LPAR4: variants seen among roughly 807,000 people sequenced by gnomAD.
The protein encoded by LPAR4 is lysophosphatidic acid receptor 4, also known as G-protein coupled receptor 23.
A neutral mutation model predicts 9.2 loss-of-function variants in LPAR4; 14 were observed. The observed-to-expected ratio is 1.51, with a 90% CI of 1.00 to 2.37. The LOEUF (loss-of-function observed/expected upper bound fraction) is 2.37, where lower values mean the gene tolerates loss of function less well. Among genes scored for constraint, LPAR4 ranks in the 30% most tolerant of loss-of-function variants. The pLI is 0.00. For synonymous variants in LPAR4, 131 were observed against 97.9 expected, an observed-to-expected ratio of 1.34 and a Z score of -1.99; for missense variants, 251 against 272.1, an observed-to-expected ratio of 0.92 and a Z score of 0.55.
chrX:78,749,346 A>T (rs944136720), intron 1 of LPAR4: 1 of 111,827 alleles, frequency 8.9e-6, no homozygotes, highest in African/African-American at 3.2e-5. Flanking sequence ...GTGTTTGCGA[A>T]TATTAGTACT....
In LPAR4 at chrX:78,755,303, G is replaced by C; in HGVS notation, c.434G>C (p.Arg145Pro). The C allele has an allele frequency of 3.3e-6, 4 of 1,208,698 alleles. No homozygotes were observed. The highest frequency in any genetic ancestry group is 4.5e-6 in the Non-Finnish European group (4 of 893,747). The change falls in exon 5 of 5, where the codon CGA becomes CCA. Residue 145 changes from arginine (R) to proline (P), a missense_variant. Physicochemically the swap from Arg to Pro is moderately radical, Grantham distance 103 (BLOSUM62 -2). Coordinates refer to ENST00000614823, the MANE Select transcript of LPAR4 (RefSeq NM_001278000.3). ...DRFLAIVYPF[R>P]SRTIRTRRNS... ...TTCCTGGCCATTGTCTATCCTTTTCGATCTCGTACTATTAGGACTAGGAGG... is the reference window on the plus strand; with the variant it reads ...TTCCTGGCCATTGTCTATCCTTTTCCATCTCGTACTATTAGGACTAGGAGG...
chrX:78,753,713 G>A (rs1925169307), intron 4 of LPAR4, among the ~76,000 whole-genome samples: 1 of 112,339 alleles, frequency 8.9e-6, no homozygotes, highest in Non-Finnish European at 1.9e-5. Context: ...AGCTTTAGCT[G>A]TGAGGCTTAG....
chrX:78,752,595 A>G (rs1436629335), intron 4 of LPAR4, among the ~76,000 whole-genome samples: 1 of 112,008 alleles, frequency 8.9e-6, no homozygotes, highest in African/African-American at 3.2e-5. Context: ...TAGAACAAGG[A>G]AATGCTCTGG....
rs1002168263 is a variant in LPAR4, at chrX:78,756,554, A to T, written c.*572A>T. 8.1e-6 allele frequency: 1 copy of T among 122,958 alleles called. No homozygotes were observed. The highest frequency in any genetic ancestry group is 1.9e-5 in the Non-Finnish European group (1 of 53,181). The allele number at this position is 122,958 out of a possible 1,213,427, so 10.1% of individuals were successfully genotyped here. On this transcript the variant is annotated 3_prime_UTR_variant, in exon 5 of 5. Transcript: ENST00000614823. ...CGTTGGCATGTACGTGGGTGGGAAG[A>T]AAAAGAAAATTAACAGGATTTACAC...
In LPAR4 at chrX:78,758,475, G is replaced by A. The variant is rs1303899598; in HGVS notation, c.*2493G>A. 1.8e-5 allele frequency among the ~76,000 whole-genome samples: 2 copies of A among 111,087 alleles called. No homozygotes were observed. The highest frequency in any genetic ancestry group is 6.5e-5 in the African/African-American group (2 of 30,705). On this transcript the variant is annotated 3_prime_UTR_variant, in exon 5 of 5. Coordinates refer to ENST00000614823, the MANE Select transcript of LPAR4 (RefSeq NM_001278000.3). ...TAAAATATATTATTAAATGTTTCTT[G>A]TGTAATTTCCATGTTTAGTTTTAAT...
rs1925286598 is a variant in LPAR4 at position 78,756,233 on chromosome X, A to C, written c.*251A>C. The C allele has an allele frequency of 3.0e-6, 1 of 329,640 alleles. No individual in the cohort carries two copies. Among genetic ancestry groups the C allele is most frequent in the African/African-American group, 2.6e-5 (1 of 37,834 alleles). The allele number at this position is 329,640 out of a possible 1,213,427, so 27.2% of individuals were successfully genotyped here. A position where few individuals can be genotyped will look rare whatever the true frequency, so the allele number is the denominator to read the frequency against. ...GGAATTTCATTGTATCGCATTATCC[A>C]GGTGGCTAGTGGCATTTGATAATAT... is the stretch of plus-strand genomic sequence containing the variant. On this transcript the variant is annotated 3_prime_UTR_variant, in exon 5 of 5. Coordinates refer to ENST00000614823, the MANE Select transcript of LPAR4 (RefSeq NM_001278000.3).
rs1462070547 is a variant in LPAR4, at chrX:78,756,361, A to C, written c.*379A>C. ...GAACAAATTCAGGGATTTTTAAAAA[A>C]TTGTGTTACTACTGATATATGCTAG... is the stretch of plus-strand genomic sequence containing the variant. On this transcript the variant is annotated 3_prime_UTR_variant, in exon 5 of 5. Coordinates refer to ENST00000614823, the MANE Select transcript of LPAR4 (RefSeq NM_001278000.3). 7.2e-6 allele frequency: 1 copy of C among 139,610 alleles called. No individual in the cohort carries two copies. The highest frequency in any genetic ancestry group is 1.6e-5 in the Non-Finnish European group (1 of 64,478). 11.5% of individuals were successfully genotyped at this position (139,610 alleles called of 1,213,427 possible). A position where few individuals can be genotyped will look rare whatever the true frequency, so the allele number is the denominator to read the frequency against.
chrX:78,751,857 A>T (rs191518104), intron 4 of LPAR4, among the ~76,000 whole-genome samples: 66 of 111,171 alleles, frequency 5.9e-4, no homozygotes, highest in Non-Finnish European at 1.2e-3. Context: ...CTCTGTAACT[A>T]AGTACTAGGG....
rs35187385 is a variant in LPAR4, at chrX:78,758,076, C to T, written c.*2094C>T. Reference sequence around the variant, plus strand: ...GTAAAATCTGTGTCTGGGTTAGGAACAAAGTGAAAAAATGCTAAAACAATA... The same window carrying T: ...GTAAAATCTGTGTCTGGGTTAGGAATAAAGTGAAAAAATGCTAAAACAATA... On this transcript the variant is annotated 3_prime_UTR_variant, in exon 5 of 5. Coordinates refer to ENST00000614823, the MANE Select transcript of LPAR4 (RefSeq NM_001278000.3). 0.18 allele frequency among the ~76,000 whole-genome samples: 19,646 copies of T among 110,769 alleles called. 1,458 individuals carry two copies. The highest frequency in any genetic ancestry group is 0.31 in the Middle Eastern group (64 of 208).
At chrX:78,750,429 T>G (rs1372026011) in intron 2 of LPAR4, among the ~76,000 whole-genome samples, 1 of 111,877 alleles carries the variant, frequency 8.9e-6, no homozygotes, top group Non-Finnish European at 1.9e-5. Context: ...AGCACTGTAA[T>G]GGGTAAATTC....
intron 4 of LPAR4, among the ~76,000 whole-genome samples, chrX:78,753,555 C>A (rs1925161538): frequency 9.0e-6 from 1 of 111,716 alleles, no homozygotes; most frequent in South Asian, 3.7e-4. Context: ...ATGTGAACTT[C>A]AGTATACCAA....
At chrX:78,751,938 C>A (rs1305175135) in intron 4 of LPAR4, among the ~76,000 whole-genome samples, 1 of 110,650 alleles carries the variant, frequency 9.0e-6, no homozygotes, top group Non-Finnish European at 1.9e-5. Flanking sequence ...ACATTATTTC[C>A]CAAAGATTGG....
chrX:78,750,016 ACTT>A (rs1460819833), intron 1 of LPAR4, among the ~76,000 whole-genome samples, 155 bp from the exon 2 acceptor site: 5 of 111,663 alleles, frequency 4.5e-5, no homozygotes, highest in Non-Finnish European at 1.9e-5. Context: ...AGTTATAAAA[ACTT>A]CTGGGTATTT....
rs191042414 is a variant in LPAR4 at position 78,758,348 on chromosome X, T to C, written c.*2366T>C. Among the ~76,000 whole-genome samples the C allele has an allele frequency of 1.7e-3, 187 of 111,922 alleles. 2 individuals carry two copies. In the South Asian group the frequency reaches 0.032, roughly 19 times the overall value. ...ATGTTTTTCCATTTCTTGTTAAGTA[T>C]AAAATATATGTGAACATTTGTTTGT... On this transcript the variant is annotated 3_prime_UTR_variant, in exon 5 of 5. Transcript: ENST00000614823.
At chrX:78,748,463 C>T (rs1321960261) in intron 1 of LPAR4, among the ~76,000 whole-genome samples, 2 of 111,799 alleles carry the variant, frequency 1.8e-5, no homozygotes, top group Admixed American at 9.5e-5. Context: ...GAGAATGTGA[C>T]ATTTGCTATA....
chrX:78,755,314 A>G lies in LPAR4; in HGVS notation c.445A>G (p.Ile149Val), dbSNP rs767232879. The G allele has an allele frequency of 2.8e-5, 34 of 1,207,647 alleles. No homozygotes were observed. The East Asian group carries it at 7.7e-4, about 27-fold the overall frequency. ...AIVYPFRSRTIRTRRNSAIVC... is the reference protein window; with the variant it reads ...AIVYPFRSRTVRTRRNSAIVC... Reference sequence around the variant, plus strand: ...TGTCTATCCTTTTCGATCTCGTACTATTAGGACTAGGAGGAATTCTGCCAT... The same window carrying G: ...TGTCTATCCTTTTCGATCTCGTACTGTTAGGACTAGGAGGAATTCTGCCAT... The change falls in exon 5 of 5, where the codon ATT becomes GTT. Residue 149 changes from isoleucine to valine, a missense_variant. Ile to Val is a conservative substitution (Grantham distance 29). Coordinates refer to ENST00000614823, the MANE Select transcript of LPAR4 (RefSeq NM_001278000.3).
chrX:78,753,290 T>A (rs1445952452), intron 4 of LPAR4, among the ~76,000 whole-genome samples: 1 of 112,311 alleles, frequency 8.9e-6, no homozygotes, highest in Non-Finnish European at 1.9e-5. Flanking sequence ...GAAGATCTAA[T>A]AGTTAGAAAT....
chrX:78,748,799 A>T (rs1924940649), intron 1 of LPAR4, among the ~76,000 whole-genome samples: 1 of 111,855 alleles, frequency 8.9e-6, no homozygotes, highest in Non-Finnish European at 1.9e-5. Flanking sequence ...TTGCTACCTT[A>T]CAAAATTATA....
intron 4 of LPAR4, among the ~76,000 whole-genome samples, chrX:78,754,058 G>A (rs186372677): frequency 1.8e-5 from 2 of 111,562 alleles, no homozygotes; most frequent in East Asian, 5.6e-4. Flanking sequence ...ATATGTTCCT[G>A]GAAACATAAA....
Sources: allele counts gnomAD v4.1 joint callset (sites outside exome capture counted in the v4.1 genomes callset), GRCh38; gene constraint gnomAD v4.1.1; transcripts MANE v1.5; gene names NCBI Gene and HGNC (gene_info 2026-07-23, HGNC 2026-07-21).